RYR2: variants seen among roughly 807,000 people sequenced by gnomAD.
RYR2 encodes the protein cardiac muscle ryanodine receptor-calcium release channel.
In RYR2, 227 loss-of-function variants were observed where a neutral mutation model predicts 601.1. The ratio of observed to expected loss-of-function variants is 0.38; its 90% CI spans 0.34 to 0.42. The LOEUF (loss-of-function observed/expected upper bound fraction) is 0.42. Among genes scored for constraint, RYR2 ranks in the 10% least tolerant of loss-of-function variants. The pLI is 1.00. For synonymous variants in RYR2, 2,223 were observed against 2,175.1 expected (o/e 1.02, Z -0.61); for missense variants, 4,646 against 6,156.5 (o/e 0.75, Z 8.21).
Position 237,589,953 on chromosome 1 carries a change from G to A in RYR2, c.3759G>A (p.Lys1253=). The change falls in exon 30 of 105, where the codon AAG becomes AAA. Residue 1253 remains lysine (K), a synonymous_variant. Coordinates refer to ENST00000366574, the MANE Select transcript of RYR2 (RefSeq NM_001035.3). The stretch of plus-strand genomic sequence containing the variant: ...GGGATATTACCATGTGGCTGAGCAA[G>A]AGGCTTCCTCAGTTTCTTCAAGTTC... ...TNRDITMWLS[K]RLPQFLQVPS... is the part of the protein sequence containing the mutation. 6.2e-7 allele frequency: 1 copy of A among 1,613,918 alleles called. No homozygotes were observed. The highest frequency in any genetic ancestry group is 1.1e-5 in the South Asian group (1 of 91,082).
intron 1 of RYR2, among the ~76,000 whole-genome samples, chr1:237,241,239 G>A (rs581645): frequency 0.86 from 130,164 of 152,180 alleles, 58,231 homozygotes; most frequent in East Asian, 1. Context: ...CATATCTATG[G>A]TGTCATCCAT....
In RYR2 at chr1:237,417,071, G is replaced by T. The variant is rs373326624; in HGVS notation, c.796G>T (p.Ala266Ser). ...CAGAACTGTTCATTATGAAGGTGGC[G>T]CTGTGTCTGTTCATGCACGTTCCCT... Reference protein sequence around the residue: ...QRRTVHYEGGAVSVHARSLWR... With the variant: ...QRRTVHYEGGSVSVHARSLWR... Residue 266 changes from alanine (A) to serine (S), a missense_variant, in exon 11 of 105, where the codon GCT becomes TCT. Ala to Ser is a moderately conservative substitution (Grantham distance 99, BLOSUM62 1). Coordinates refer to ENST00000366574, the MANE Select transcript of RYR2 (RefSeq NM_001035.3). 1 of 1,613,554 alleles carries T rather than the reference G, an allele frequency of 6.2e-7. No homozygotes were observed. Among genetic ancestry groups the T allele is most frequent in the African/African-American group, 1.3e-5 (1 of 74,914 alleles).
At chr1:237,453,623 T>G (rs1199652450) in intron 14 of RYR2, among the ~76,000 whole-genome samples, 3 of 152,156 alleles carry the variant, frequency 2.0e-5, no homozygotes, top group African/African-American at 7.2e-5. Context: ...AGTAGAGATG[T>G]TGTCCCATTC....
intron 2 of RYR2, among the ~76,000 whole-genome samples, chr1:237,320,800 C>T (rs947844175): frequency 3.9e-5 from 6 of 152,164 alleles, no homozygotes; most frequent in African/African-American, 1.4e-4. Context: ...TTATTGCCTT[C>T]CAGCACTTTT....
At chr1:237,105,158 G>A (rs1383528559) in intron 1 of RYR2, among the ~76,000 whole-genome samples, 1 of 152,154 alleles carries the variant, frequency 6.6e-6, no homozygotes, top group Non-Finnish European at 1.5e-5. Context: ...TTCACCTTAC[G>A]TTTGGGGAAG....
chr1:237,790,564 T>C (rs1418696334), intron 92 of RYR2, among the ~76,000 whole-genome samples: 1 of 152,084 alleles, frequency 6.6e-6, no homozygotes, highest in East Asian at 1.9e-4. Flanking sequence ...TAGAATAAAA[T>C]AATAATTATA....
At chr1:237,695,190 TTTG>T (rs1338251993) in intron 63 of RYR2, among the ~76,000 whole-genome samples, 3 of 152,228 alleles carry the variant, frequency 2.0e-5, no homozygotes, top group East Asian at 1.9e-4. Flanking sequence ...TATTATGTAA[TTTG>T]TTGTTTTTAT....
At chr1:237,341,243 C>T (rs1197479787) in intron 3 of RYR2, among the ~76,000 whole-genome samples, 1 of 152,052 alleles carries the variant, frequency 6.6e-6, no homozygotes, top group Non-Finnish European at 1.5e-5. Context: ...CATATGATAG[C>T]AAATAAATGA....
In RYR2 at chr1:237,773,627, CACTCTTACAGAGTATAT is replaced by C. The variant is rs1277795696; in HGVS notation, c.11755_11771del (p.Thr3919SerfsTer42). 6.2e-7 allele frequency: 1 copy of C among 1,611,818 alleles called. No homozygotes were observed. The highest frequency in any genetic ancestry group is 8.5e-7 in the Non-Finnish European group (1 of 1,178,382). ...TCCAAGTGGCAAAACAAGTCTTTAA[CACTCTTACAGAGTATAT>C]TCAGGTAAACATTTAAACATGGCTG... On this transcript the variant is annotated frameshift_variant, in exon 87 of 105. Coordinates refer to ENST00000366574, the MANE Select transcript of RYR2 (RefSeq NM_001035.3). LOFTEE classifies it high-confidence loss of function.
In RYR2 at chr1:237,441,433, T is replaced by C; in HGVS notation, c.1120T>C (p.Tyr374His). The C allele has an allele frequency of 1.2e-6, 2 of 1,608,420 alleles. No individual in the cohort carries two copies. The highest frequency in any genetic ancestry group is 2.2e-5 in the East Asian group (1 of 44,760). ...QHVDTGLWLT[Y>H]QSVDVKSVRM... ...TGTAGACACAGGCCTATGGCTTACT[T>C]ACCAGTCTGTGGACGTGAAATCCGT... Residue 374 changes from tyrosine (Y) to histidine (H), a missense_variant, in exon 13 of 105, where the codon TAC (tyrosine) becomes CAC (histidine). Tyr to His is a moderately conservative substitution (Grantham distance 83). Around this residue, in one of 17 missense-constraint regions of RYR2, gnomAD observed 1,807 missense variants for 2,088.1 expected, o/e 0.87. Transcript: ENST00000366574.
At chr1:237,188,669 G>A (rs926904326) in intron 1 of RYR2, among the ~76,000 whole-genome samples, 6 of 151,928 alleles carry the variant, frequency 3.9e-5, no homozygotes, top group Non-Finnish European at 7.4e-5. Context: ...AGGTTCAAGC[G>A]ATTCTCCTGT....
chr1:237,708,932 C>T lies in RYR2; in HGVS notation c.9976C>T (p.Leu3326Phe). 5 of 1,613,096 alleles carry T rather than the reference C, an allele frequency of 3.1e-6. No individual in the cohort carries two copies. The highest frequency in any genetic ancestry group is 4.2e-6 in the Non-Finnish European group (5 of 1,179,308). ...TCATTTCTTGCCGTTAATGGAGAAA[C>T]TCAAGAAAAAGGCAGCTACGGTGGT... ...KTHFLPLMEK[L>F]KKKAATVVSE... The change falls in exon 69 of 105, where the codon CTC (leucine) becomes TTC (phenylalanine). Residue 3326 changes from leucine (L) to phenylalanine (F), a missense_variant. Transcript: ENST00000366574.
At chr1:237,336,437 CTAAAT>C (rs1290265827) in intron 3 of RYR2, among the ~76,000 whole-genome samples, 5 of 152,140 alleles carry the variant, frequency 3.3e-5, no homozygotes, top group African/African-American at 1.2e-4. Flanking sequence ...TTTCCTCTTT[CTAAAT>C]TATGTACTGT....
chr1:237,758,631 G>A (rs1693156197), intron 82 of RYR2, among the ~76,000 whole-genome samples: 1 of 151,968 alleles, frequency 6.6e-6, no homozygotes, highest in African/African-American at 2.4e-5. Context: ...TATTGCCTTC[G>A]CTATCTGAAA....
intron 84 of RYR2, among the ~76,000 whole-genome samples, chr1:237,765,214 CT>C (rs964279015): frequency 3.9e-5 from 6 of 151,994 alleles, no homozygotes; most frequent in African/African-American, 7.2e-5. Context: ...TTTTAATTTG[CT>C]TTTTTATCAG....
intron 80 of RYR2, among the ~76,000 whole-genome samples, chr1:237,745,195 T>C (rs887264574): frequency 4.6e-5 from 7 of 152,160 alleles, no homozygotes; most frequent in Admixed American, 3.9e-4. Flanking sequence ...ATCATGTATA[T>C]ACTATCAGAT....
At chr1:237,358,360 C>A (rs897270767) in intron 4 of RYR2, among the ~76,000 whole-genome samples, 1 of 152,062 alleles carries the variant, frequency 6.6e-6, no homozygotes, top group Non-Finnish European at 1.5e-5. Context: ...GGGTTCCTCA[C>A]GCCCTACTTG....
intron 92 of RYR2, 76 bp from the exon 93 acceptor site, chr1:237,791,353 A>T: frequency 1.3e-6 from 1 of 777,746 alleles, no homozygotes; most frequent in Non-Finnish European, 2.3e-6. Flanking sequence ...TAAATGAATG[A>T]ATGCTTTATT....
chr1:237,581,891 G>C (rs1416083913), intron 29 of RYR2, among the ~76,000 whole-genome samples: 1 of 152,104 alleles, frequency 6.6e-6, no homozygotes, highest in East Asian at 1.9e-4. Flanking sequence ...CTATAGCAGA[G>C]GAATCCAAGT....
Sources: allele counts gnomAD v4.1 joint callset (sites outside exome capture counted in the v4.1 genomes callset), GRCh38; gene constraint gnomAD v4.1.1; regional missense constraint gnomAD v4.1.1; transcripts MANE v1.5; gene names NCBI Gene and HGNC (gene_info 2026-07-23, HGNC 2026-07-21).